Variants in TUBGCP5 observed in about 807,000 individuals in gnomAD.
TUBGCP5 encodes the protein gamma-tubulin complex component 5.
TUBGCP5 carries 98 observed loss-of-function variants against 134.7 expected under a neutral mutation model. The ratio of observed to expected loss-of-function variants is 0.73; its 90% CI spans 0.62 to 0.86. The LOEUF is 0.86. TUBGCP5 is among the 40% of genes least tolerant of loss of function. The pLI, the probability that TUBGCP5 is intolerant of heterozygous loss-of-function variation, is 0.00. For synonymous variants in TUBGCP5, 456 were observed against 431.4 expected, an observed-to-expected ratio of 1.06 and a Z score of -0.71; for missense variants, 1,150 against 1,244.8, an observed-to-expected ratio of 0.92 and a Z score of 1.15.
chr15:23,017,344 T>C (rs1263093651), intron 13 of TUBGCP5, among the ~76,000 whole-genome samples: 1 of 152,102 alleles, frequency 6.6e-6, no homozygotes, highest in Non-Finnish European at 1.5e-5. Flanking sequence ...CATAAAGAAG[T>C]AGTAAATGTT....
At chr15:23,031,172 G>A in intron 5 of TUBGCP5, 152 bp from the exon 6 acceptor site, 1 of 643,634 alleles carries the variant, frequency 1.6e-6, no homozygotes, top group Admixed American at 3.3e-5. Context: ...TCTCTTGGAA[G>A]TGCCTATTAT....
downstream of TUBGCP5, among the ~76,000 whole-genome samples, chr15:22,996,644 C>T (rs556043208): frequency 5.2e-4 from 79 of 152,092 alleles, 1 homozygote; most frequent in Non-Finnish European, 1.1e-3. Flanking sequence ...TCTGTCACCA[C>T]ACCCAGCTAT....
At chr15:23,027,376 C>T (rs2066039935) in intron 6 of TUBGCP5, 70 bp from the exon 7 acceptor site, 1 of 1,222,304 alleles carries the variant, frequency 8.2e-7, no homozygotes, top group Non-Finnish European at 1.2e-6. Context: ...CCTGGACTTA[C>T]AGCTCCATTC....
intron 11 of TUBGCP5, among the ~76,000 whole-genome samples, chr15:23,019,851 T>C (rs553236978): frequency 2.0e-5 from 3 of 151,910 alleles, no homozygotes; most frequent in South Asian, 4.2e-4. Context: ...GGGATGATCA[T>C]ATTGTTTGTA....
At position 23,018,023 on chromosome 15, in the gene TUBGCP5, A is replaced by C. The variant is rs1224984747; in HGVS notation, c.1506T>G (p.Val502=). The part of the protein sequence containing the change: ...FIIQRNKNVP[V]NHRDFWYATY... ...TTGCATACCAGAAGTCTCTGTGATT[A>C]ACTGGAACATTTTTGTTTCTAAAGA... is the stretch of plus-strand genomic sequence containing the variant. The change falls in exon 13 of 23, where the codon GTT becomes GTG. Residue 502 remains valine, a synonymous_variant. Transcript: ENST00000615383. 1 of 1,608,566 alleles carries C rather than the reference A, an allele frequency of 6.2e-7. No homozygotes were observed. Among genetic ancestry groups the C allele is most frequent in the East Asian group, 2.2e-5 (1 of 44,826 alleles).
chr15:23,037,210 A>C, intron 1 of TUBGCP5, 58 bp from the exon 2 acceptor site: 4 of 1,515,362 alleles, frequency 2.6e-6, no homozygotes, highest in Non-Finnish European at 2.7e-6. Context: ...AAGTGAACTC[A>C]TCTCATGGCC....
intron 11 of TUBGCP5, among the ~76,000 whole-genome samples, chr15:23,019,657 C>T (rs957844435): frequency 2.6e-5 from 4 of 151,786 alleles, no homozygotes; most frequent in African/African-American, 9.7e-5. Context: ...ATTAGCTGGG[C>T]ATGGTGACAC....
intron 16 of TUBGCP5, among the ~76,000 whole-genome samples, chr15:23,007,372 A>G (rs2064780859): frequency 6.6e-6 from 1 of 152,202 alleles, no homozygotes; most frequent in Non-Finnish European, 1.5e-5. Flanking sequence ...CCTGGGTGAC[A>G]GAGCAAGACT....
intron 23 of TUBGCP5, among the ~76,000 whole-genome samples, chr15:22,988,166 C>T (rs984731800): frequency 2.0e-4 from 30 of 151,852 alleles, no homozygotes; most frequent in Admixed American, 1.2e-3. Flanking sequence ...AGAGTCTTAG[C>T]GGATCTAAGT....
chr15:23,026,038 A>G, intron 8 of TUBGCP5, 78 bp downstream of exon 8: 1 of 1,198,972 alleles, frequency 8.3e-7, no homozygotes, highest in Middle Eastern at 2.2e-4. Context: ...AATGCTTGAA[A>G]AGTTTCCTTT....
At chr15:22,988,229 C>T (rs1306417678) in intron 23 of TUBGCP5, among the ~76,000 whole-genome samples, 1 of 151,860 alleles carries the variant, frequency 6.6e-6, no homozygotes, top group African/African-American at 2.4e-5. Context: ...ATCCAATAAG[C>T]AGTGTGCTTA....
chr15:22,993,308 C>A (rs1456252829), intron 23 of TUBGCP5, among the ~76,000 whole-genome samples: 10 of 151,956 alleles, frequency 6.6e-5, no homozygotes, highest in Admixed American at 5.9e-4. Flanking sequence ...CCATGTTGGT[C>A]AGGCTGGTCT....
At chr15:23,031,089 C>A in intron 5 of TUBGCP5, 69 bp from the exon 6 acceptor site, 1 of 1,408,882 alleles carries the variant, frequency 7.1e-7, no homozygotes, top group Non-Finnish European at 9.3e-7. Context: ...CATTAAAAGA[C>A]TAAGAAAACT....
At chr15:22,989,774 G>A (rs1347580624) in intron 23 of TUBGCP5, among the ~76,000 whole-genome samples, 1 of 152,104 alleles carries the variant, frequency 6.6e-6, no homozygotes, top group African/African-American at 2.4e-5. Flanking sequence ...CTTATTTCTT[G>A]CCACACCTTG....
chr15:23,018,170 C>G, intron 12 of TUBGCP5, 129 bp from the exon 13 acceptor site: 1 of 826,014 alleles, frequency 1.2e-6, no homozygotes, highest in Non-Finnish European at 1.9e-6. Flanking sequence ...AAACTTTAGG[C>G]AAAATGGGAC....
intron 20 of TUBGCP5, among the ~76,000 whole-genome samples, chr15:23,003,710 G>A (rs969851037): frequency 1.4e-5 from 2 of 146,728 alleles, no homozygotes; most frequent in African/African-American, 5.0e-5. Context: ...GAGTGCAGTG[G>A]TGTCAGATCA....
rs10152641 is a variant in TUBGCP5, at chr15:22,987,622, C to T, written c.*62-4011G>A. Among the ~76,000 whole-genome samples, 539 of 150,416 alleles carry T rather than the reference C, an allele frequency of 3.6e-3. 5 individuals are homozygous for T. The highest frequency in any genetic ancestry group is 0.012 in the African/African-American group (500 of 40,914). On this transcript the variant is annotated intron_variant and NMD_transcript_variant, in intron 23 of 23. Coordinates refer to the TUBGCP5 transcript ENST00000614508. ...AAAAGACACCCCAGAGGGGGCCAGG[C>T]GCGGTGGCTCACGCCTGTAATCCCA... is the stretch of plus-strand genomic sequence containing the variant.
Position 23,000,625 on chromosome 15 carries a change from T to C in TUBGCP5, c.2972A>G (p.His991Arg), listed in dbSNP as rs201453400. The C allele has an allele frequency of 4.3e-5, 69 of 1,608,630 alleles. No homozygotes were observed. The East Asian group carries it at 5.4e-4, about 12-fold the overall frequency. Residue 991 changes from histidine (H) to arginine (R), a missense_variant, in exon 22 of 23, where the codon CAT (histidine) becomes CGT (arginine). Physicochemically the swap from His to Arg is conservative, Grantham distance 29. This residue lies in a region of TUBGCP5 where 697 missense variants were observed against 850.1 expected (regional missense o/e 0.82). Transcript: ENST00000615383. The stretch of plus-strand genomic sequence containing the variant: ...GTTTAAAATGGTTACAAGAAACATA[T>C]GGCAGTTTTTAAAATCAGATTCCAT... ...EKMESDFKNC[H>R]MFLVTILNKA...
At position 23,000,003 on chromosome 15, in the gene TUBGCP5, C is replaced by T. The variant is rs149559843; in HGVS notation, c.3029-137G>A. The T allele has an allele frequency of 2.1e-3, 1,611 of 766,546 alleles. 21 individuals are homozygous for T. The African/African-American group carries it at 0.025, about 12-fold the overall frequency. The allele number at this position is 766,546 out of a possible 1,614,324, so 47.5% of individuals were successfully genotyped here. A position where few individuals can be genotyped will look rare whatever the true frequency, so the allele number is the denominator to read the frequency against. ...TCAGCTCACTGCAACCTCTGCCTCC[C>T]GGGTTCAAGCAATTTTCCTGCCTCA... On this transcript the variant is annotated intron_variant, in intron 22 of 22. Transcript: ENST00000615383.
Sources: allele counts gnomAD v4.1 joint callset (sites outside exome capture counted in the v4.1 genomes callset), GRCh38; gene constraint gnomAD v4.1.1; regional missense constraint gnomAD v4.1.1; transcripts MANE v1.5; gene names NCBI Gene and HGNC (gene_info 2026-07-23, HGNC 2026-07-21).